The following DMRT2 variants were observed in gnomAD, a reference collection of about 807,000 sequenced individuals.
The protein encoded by DMRT2 is doublesex and mab-3 related transcription factor 2.
Under a neutral mutation model 43.5 loss-of-function variants are expected in DMRT2, and 33 were observed. The ratio of observed to expected loss-of-function variants is 0.76; its 90% CI spans 0.58 to 1.01. The LOEUF (loss-of-function observed/expected upper bound fraction) is 1.01, where lower values mean the gene tolerates loss of function less well. Among genes scored for constraint, DMRT2 ranks in the 50% least tolerant of loss-of-function variants. The pLI, the probability that DMRT2 is intolerant of heterozygous loss-of-function variation, is 0.00. For missense variants in DMRT2, 1,064 were observed against 748.0 expected, an observed-to-expected ratio of 1.42 and a Z score of -4.93; for synonymous variants, 395 against 309.2, an observed-to-expected ratio of 1.28 and a Z score of -2.91.
rs1233739511 is a variant in DMRT2, at chr9:1,056,886, A to G, written c.1299A>G (p.Arg433=). The G allele has an allele frequency of 5.0e-6, 8 of 1,613,934 alleles. No homozygotes were observed. The highest frequency in any genetic ancestry group is 6.8e-6 in the Non-Finnish European group (8 of 1,180,026). The part of the protein sequence containing the change: ...VPERSAFSPP[R]RNFSPIVDTD... ...AGAGGTCCGCGTTCTCCCCACCCCG[A>G]CGGAATTTCTCTCCCATTGTTGACA... The change falls in exon 4 of 4, where the codon CGA becomes CGG. Residue 433 remains arginine, a synonymous_variant. Transcript: ENST00000358146.
Position 1,056,506 on chromosome 9 carries a change from C to A in DMRT2, c.919C>A (p.Leu307Ile). The change falls in exon 4 of 4, where the codon CTT becomes ATT. Residue 307 changes from leucine to isoleucine, a missense_variant. By Grantham distance (5) the Leu-to-Ile change is conservative. Coordinates refer to ENST00000358146, the MANE Select transcript of DMRT2 (RefSeq NM_181872.6). ...CTTCTGTAATTTTTTGCCCACCTGCCTTGATTTAACCATGCAGTATTCAGG... is the reference window on the plus strand; with the variant it reads ...CTTCTGTAATTTTTTGCCCACCTGCATTGATTTAACCATGCAGTATTCAGG... ...KDFCNFLPTC[L>I]DLTMQYSGSG... 1 of 1,614,182 alleles carries A rather than the reference C, an allele frequency of 6.2e-7. No homozygotes were observed. Among genetic ancestry groups the A allele is most frequent in the Non-Finnish European group, 8.5e-7 (1 of 1,180,028 alleles).
Position 1,057,527 on chromosome 9 carries a change from T to A in DMRT2, c.*254T>A. The A allele has an allele frequency of 2.4e-6, 1 of 408,506 alleles. No individual in the cohort carries two copies. The allele number at this position is 408,506 out of a possible 1,614,324, so 25.3% of individuals were successfully genotyped here. On this transcript the variant is annotated 3_prime_UTR_variant, in exon 4 of 4. Coordinates refer to ENST00000358146, the MANE Select transcript of DMRT2 (RefSeq NM_181872.6). Reference sequence around the variant, plus strand: ...CACAGCATTTCAAAAAGCAATAAAATTGACACTGTCTTCTCAAAGACCCAA... The same window carrying A: ...CACAGCATTTCAAAAAGCAATAAAAATGACACTGTCTTCTCAAAGACCCAA...
At chr9:1,056,098 A>C in intron 3 of DMRT2, 118 bp from the exon 4 acceptor site, 2 of 1,498,196 alleles carry the variant, frequency 1.3e-6, no homozygotes, top group Non-Finnish European at 1.8e-6. Flanking sequence ...AATATCAGTG[A>C]GATGGAACTG....
At position 1,052,024 on chromosome 9, in the gene DMRT2, C is replaced by T. The variant is rs571287219; in HGVS notation, c.411C>T (p.Gly137=). Reference sequence around the variant, plus strand: ...ACGGCGTGGTGTCCTGCCTGAAGGGCCACAAGCGCTTCTGTCGCTGGCGCG... The same window carrying T: ...ACGGCGTGGTGTCCTGCCTGAAGGGTCACAAGCGCTTCTGTCGCTGGCGCG... The part of the protein sequence containing the change: ...RNHGVVSCLK[G]HKRFCRWRDC... The change falls in exon 2 of 4, where the codon GGC becomes GGT. Residue 137 remains glycine, a synonymous_variant. Coordinates refer to ENST00000358146, the MANE Select transcript of DMRT2 (RefSeq NM_181872.6). The T allele has an allele frequency of 4.8e-5, 71 of 1,476,930 alleles. No individual in the cohort carries two copies. In the African/African-American group the frequency reaches 8.9e-4, roughly 19 times the overall value. 91.5% of individuals were successfully genotyped at this position (1,476,930 alleles called of 1,614,324 possible).
chr9:1,055,490 T>G (rs542753890), intron 3 of DMRT2, among the ~76,000 whole-genome samples: 1 of 152,320 alleles, frequency 6.6e-6, no homozygotes, highest in African/African-American at 2.4e-5. Context: ...ACAGTTATTT[T>G]CGATAGAGCA....
Position 1,051,828 on chromosome 9 carries a change from C to G in DMRT2, c.215C>G (p.Pro72Arg). 2.8e-6 allele frequency: 4 copies of G among 1,446,762 alleles called. No individual in the cohort carries two copies. The highest frequency in any genetic ancestry group is 1.4e-5 in the South Asian group (1 of 69,616). The allele number at this position is 1,446,762 out of a possible 1,614,324, so 89.6% of individuals were successfully genotyped here. A position where few individuals can be genotyped will look rare whatever the true frequency, so the allele number is the denominator to read the frequency against. ...EGDGEEAGAS[P>R]GMPGQPEQRG... ...GACGGCGAGGAGGCAGGCGCGTCCC[C>G]CGGGATGCCCGGCCAGCCGGAGCAG... is the stretch of plus-strand genomic sequence containing the variant. Residue 72 changes from proline to arginine, a missense_variant, in exon 2 of 4, where the codon CCC becomes CGC. Coordinates refer to ENST00000358146, the MANE Select transcript of DMRT2 (RefSeq NM_181872.6). This position sits in a 1 kb window ranked among gnomAD's most constrained non-coding sequence, Gnocchi z 5.9.
Position 1,051,825 on chromosome 9 carries a change from C to T in DMRT2, c.212C>T (p.Ser71Phe), listed in dbSNP as rs1223880197. ...EEGDGEEAGA[S>F]PGMPGQPEQR... Reference sequence around the variant, plus strand: ...GGCGACGGCGAGGAGGCAGGCGCGTCCCCCGGGATGCCCGGCCAGCCGGAG... The same window carrying T: ...GGCGACGGCGAGGAGGCAGGCGCGTTCCCCGGGATGCCCGGCCAGCCGGAG... Residue 71 changes from serine (S) to phenylalanine (F), a missense_variant, in exon 2 of 4, where the codon TCC becomes TTC. Coordinates refer to ENST00000358146, the MANE Select transcript of DMRT2 (RefSeq NM_181872.6). The surrounding 1 kb of genome is among the most constrained non-coding windows in gnomAD (Gnocchi z 5.9). The T allele has an allele frequency of 1.6e-5, 23 of 1,453,796 alleles. No individual in the cohort carries two copies. Among genetic ancestry groups the T allele is most frequent in the East Asian group, 1.5e-4 (5 of 34,016 alleles). The allele number at this position is 1,453,796 out of a possible 1,614,324, so 90.1% of individuals were successfully genotyped here. A position where few individuals can be genotyped will look rare whatever the true frequency, so the allele number is the denominator to read the frequency against.
intron 2 of DMRT2, among the ~76,000 whole-genome samples, chr9:1,052,661 T>C (rs1586733199): frequency 6.6e-6 from 1 of 152,238 alleles, no homozygotes; most frequent in Non-Finnish European, 1.5e-5. Flanking sequence ...AGAAATTAGA[T>C]GCCTGCAGCC....
At position 1,051,556 on chromosome 9, in the gene DMRT2, T is replaced by G; in HGVS notation, c.-44-14T>G. On this transcript the variant is annotated splice_polypyrimidine_tract_variant and intron_variant, in intron 1 of 3. Coordinates refer to ENST00000358146, the MANE Select transcript of DMRT2 (RefSeq NM_181872.6). The surrounding 1 kb of genome is among the most constrained non-coding windows in gnomAD (Gnocchi z 5.9). ...GCGGCCGGTGGGTCTTTGGATTTCT[T>G]TGTGTTTCCCCAGAGTGAGGGCCGC... 1.4e-5 allele frequency: 20 copies of G among 1,450,432 alleles called. No individual in the cohort carries two copies. The highest frequency in any genetic ancestry group is 1.6e-5 in the Non-Finnish European group (18 of 1,112,008). 89.8% of individuals were successfully genotyped at this position (1,450,432 alleles called of 1,614,324 possible).
In DMRT2 at chr9:1,052,073, C is replaced by A; in HGVS notation, c.460C>A (p.Leu154Met). The change falls in exon 2 of 4, where the codon CTG (leucine) becomes ATG (methionine). Residue 154 changes from leucine to methionine, a missense_variant. Transcript: ENST00000358146. ...WRDCQCANCL[L>M]VVERQRVMAA... ...CGACTGCCAGTGCGCCAACTGCCTGCTGGTGGTGGAGCGGCAGCGCGTCAT... is the reference window on the plus strand; with the variant it reads ...CGACTGCCAGTGCGCCAACTGCCTGATGGTGGTGGAGCGGCAGCGCGTCAT... 6.8e-7 allele frequency: 1 copy of A among 1,463,542 alleles called. No individual in the cohort carries two copies. 90.7% of individuals were successfully genotyped at this position (1,463,542 alleles called of 1,614,324 possible).
Position 1,051,934 on chromosome 9 carries a change from C to A in DMRT2, c.321C>A (p.Pro107=). ...CCGGTCCCCGAGAGCGCTGCACTCC[C>A]GCGGGCGGCGGCGCGGAGCCGCGCA... ...AGTGPRERCT[P]AGGGAEPRKL... Residue 107 remains proline (P), a synonymous_variant, in exon 2 of 4, where the codon CCC becomes CCA. Coordinates refer to ENST00000358146, the MANE Select transcript of DMRT2 (RefSeq NM_181872.6). The surrounding 1 kb of genome is among the most constrained non-coding windows in gnomAD (Gnocchi z 5.9). 2 of 1,364,132 alleles carry A rather than the reference C, an allele frequency of 1.5e-6. No homozygotes were observed. Among genetic ancestry groups the A allele is most frequent in the East Asian group, 6.1e-5 (2 of 32,544 alleles). The allele number at this position is 1,364,132 out of a possible 1,614,324, so 84.5% of individuals were successfully genotyped here.
chr9:1,056,621 C>T lies in DMRT2; in HGVS notation c.1034C>T (p.Pro345Leu), dbSNP rs1822008335. Residue 345 changes from proline (P) to leucine (L), a missense_variant, in exon 4 of 4, where the codon CCC becomes CTC. Physicochemically the swap from Pro to Leu is moderately conservative, Grantham distance 98. Coordinates refer to ENST00000358146, the MANE Select transcript of DMRT2 (RefSeq NM_181872.6). ...TTGTCCTCAAGATTTTTAGTTTGGC[C>T]CAAGTGTGGCCCCATTAGCGACACC... ...YPLSSRFLVW[P>L]KCGPISDTLL... 6.2e-7 allele frequency: 1 copy of T among 1,614,110 alleles called. No individual in the cohort carries two copies. The highest frequency in any genetic ancestry group is 8.5e-7 in the Non-Finnish European group (1 of 1,180,022).
rs532694299 is a variant in DMRT2, at chr9:1,051,914, C to A, written c.301C>A (p.Pro101Thr). 15 of 1,362,044 alleles carry A rather than the reference C, an allele frequency of 1.1e-5. No homozygotes were observed. The Admixed American group carries it at 2.8e-4, about 25-fold the overall frequency. The allele number at this position is 1,362,044 out of a possible 1,614,324, so 84.4% of individuals were successfully genotyped here. Residue 101 changes from proline (P) to threonine (T), a missense_variant, in exon 2 of 4, where the codon CCC becomes ACC. Pro to Thr is a conservative substitution (Grantham distance 38, BLOSUM62 -1). Coordinates refer to ENST00000358146, the MANE Select transcript of DMRT2 (RefSeq NM_181872.6). The surrounding 1 kb of genome is among the most constrained non-coding windows in gnomAD (Gnocchi z 5.9). Reference sequence around the variant, plus strand: ...TCAGGCCTCACCCGCCGGCACCGGTCCCCGAGAGCGCTGCACTCCCGCGGG... The same window carrying A: ...TCAGGCCTCACCCGCCGGCACCGGTACCCGAGAGCGCTGCACTCCCGCGGG... ...APQASPAGTGPRERCTPAGGG... is the reference protein window; with the variant it reads ...APQASPAGTGTRERCTPAGGG...
Position 1,051,643 on chromosome 9 carries a change from C to G in DMRT2, c.30C>G (p.Ala10=). Residue 10 remains alanine (A), a synonymous_variant, in exon 2 of 4, where the codon GCC becomes GCG. Coordinates refer to ENST00000358146, the MANE Select transcript of DMRT2 (RefSeq NM_181872.6). This position sits in a 1 kb window ranked among gnomAD's most constrained non-coding sequence, Gnocchi z 5.9. MADPQAGSA[A]GDWEIDVESL... Reference sequence around the variant, plus strand: ...CCGACCCGCAGGCTGGCTCCGCGGCCGGGGACTGGGAGATCGATGTCGAGA... The same window carrying G: ...CCGACCCGCAGGCTGGCTCCGCGGCGGGGGACTGGGAGATCGATGTCGAGA... 6.4e-7 allele frequency: 1 copy of G among 1,566,272 alleles called. No individual in the cohort carries two copies. Among genetic ancestry groups the G allele is most frequent in the East Asian group, 2.4e-5 (1 of 41,268 alleles).
rs757088485 is a variant in DMRT2 at position 1,056,353 on chromosome 9, G to C, written c.766G>C (p.Glu256Gln). 6.2e-7 allele frequency: 1 copy of C among 1,614,216 alleles called. No individual in the cohort carries two copies. The highest frequency in any genetic ancestry group is 8.5e-7 in the Non-Finnish European group (1 of 1,180,048). Residue 256 changes from glutamate to glutamine, a missense_variant, in exon 4 of 4, where the codon GAA (glutamate) becomes CAA (glutamine). Glu to Gln is a conservative substitution (Grantham distance 29). Coordinates refer to ENST00000358146, the MANE Select transcript of DMRT2 (RefSeq NM_181872.6). ...ENIMLEREYK[E>Q]REMLETSQAA... ...CATTATGCTGGAGAGAGAATATAAAGAAAGGGAGATGTTGGAAACTTCTCA... is the reference window on the plus strand; with the variant it reads ...CATTATGCTGGAGAGAGAATATAAACAAAGGGAGATGTTGGAAACTTCTCA...
Position 1,052,040 on chromosome 9 carries a change from C to T in DMRT2, c.427C>T (p.Arg143Cys), listed in dbSNP as rs1279326310. The T allele has an allele frequency of 6.8e-7, 1 of 1,473,586 alleles. No individual in the cohort carries two copies. The allele number at this position is 1,473,586 out of a possible 1,614,324, so 91.3% of individuals were successfully genotyped here. A position where few individuals can be genotyped will look rare whatever the true frequency, so the allele number is the denominator to read the frequency against. The change falls in exon 2 of 4, where the codon CGC becomes TGC. Residue 143 changes from arginine to cysteine, a missense_variant. By Grantham distance (180) the Arg-to-Cys change is radical (BLOSUM62 -3). Transcript: ENST00000358146. The part of the protein sequence containing the change: ...SCLKGHKRFC[R>C]WRDCQCANCL... ...CCTGAAGGGCCACAAGCGCTTCTGT[C>T]GCTGGCGCGACTGCCAGTGCGCCAA...
rs1821509013 is a variant in DMRT2 at position 1,050,732 on chromosome 9, G to A, written c.-88G>A. The A allele has an allele frequency of 6.6e-6, 1 of 152,242 alleles. No homozygotes were observed. Among genetic ancestry groups the A allele is most frequent in the African/African-American group, 2.4e-5 (1 of 41,432 alleles). The allele number at this position is 152,242 out of a possible 1,614,324, so 9.4% of individuals were successfully genotyped here. On this transcript the variant is annotated 5_prime_UTR_variant, in exon 1 of 4. Transcript: ENST00000358146. Reference sequence around the variant, plus strand: ...AGCCCTAGCGCCAGATCCTAAAGCTGGATATCTTTTAACTGGGCTACCAGC... The same window carrying A: ...AGCCCTAGCGCCAGATCCTAAAGCTAGATATCTTTTAACTGGGCTACCAGC...
intron 3 of DMRT2, chr9:1,054,617 T>G (rs556654991): frequency 6.6e-6 from 1 of 152,320 alleles, no homozygotes; most frequent in African/African-American, 2.4e-5. Flanking sequence ...TAATTTTTCT[T>G]AAAATATTAC....
Position 1,057,205 on chromosome 9 carries a change from C to T in DMRT2, c.1618C>T (p.Pro540Ser). The part of the protein sequence containing the change: ...QVGTKLSVNE[P>S]LSFSVESILK... ...TGGAACAAAACTCTCGGTGAATGAA[C>T]CACTGTCATTTTCTGTTGAGTCTAT... Residue 540 changes from proline to serine, a missense_variant, in exon 4 of 4, where the codon CCA becomes TCA. Coordinates refer to ENST00000358146, the MANE Select transcript of DMRT2 (RefSeq NM_181872.6). The T allele has an allele frequency of 3.1e-6, 5 of 1,613,988 alleles. No individual in the cohort carries two copies. The Middle Eastern group carries it at 6.6e-4, about 213-fold the overall frequency.
Sources: gnomAD v4.1 joint callset for allele counts (sites outside exome capture counted in the v4.1 genomes callset) on GRCh38, gnomAD v4.1.1 for gene constraint, Gnocchi (gnomAD v3.1) non-coding constraint, MANE v1.5 for transcripts, NCBI Gene and HGNC (gene_info 2026-07-23, HGNC 2026-07-21) for gene names.